The following C1orf87 variants were observed in gnomAD, a reference collection of about 807,000 sequenced individuals.
C1orf87 encodes chromosome 1 open reading frame 87, also known as uncharacterized protein C1orf87.
A neutral mutation model predicts 60.5 loss-of-function variants in C1orf87; 58 were observed. That is an observed-to-expected ratio of 0.96 (90% confidence interval 0.78 to 1.19). The LOEUF is 1.19. C1orf87 is among the 50% of genes most tolerant of loss of function. The probability of loss-of-function intolerance (pLI) is 0.00; values close to 1 mark genes in which losing one functional copy is unlikely to be tolerated. For synonymous variants in C1orf87, 236 were observed against 227.4 expected (o/e 1.04, Z -0.34); for missense variants, 673 against 638.6 (o/e 1.05, Z -0.58).
chr1:60,058,599 T>C (rs1037398481), intron 2 of C1orf87, among the ~76,000 whole-genome samples: 1 of 152,190 alleles, frequency 6.6e-6, no homozygotes, highest in Non-Finnish European at 1.5e-5. Flanking sequence ...GATTATATAT[T>C]TCTTAAATCA....
chr1:60,001,080 A>G lies in C1orf87; in HGVS notation c.1269T>C (p.His423=). 7 of 1,608,182 alleles carry G rather than the reference A, an allele frequency of 4.4e-6. No homozygotes were observed. The change falls in exon 10 of 12, where the codon CAT becomes CAC. Residue 423 remains histidine (H), a synonymous_variant. Transcript: ENST00000371201. ...VPEMSQSKTE[H]MKTPEEELQP... ...TCTATATACCCCAGGTGCATACCAT[A>G]TGTTCAGTTTTGCTTTGAGACATCT... is the stretch of plus-strand genomic sequence containing the variant.
intron 2 of C1orf87, among the ~76,000 whole-genome samples, chr1:60,058,097 C>T (rs1377249284): frequency 6.6e-6 from 1 of 152,110 alleles, no homozygotes; most frequent in African/African-American, 2.4e-5. Flanking sequence ...ATATATGTTC[C>T]CTGCCTTCAA....
chr1:60,015,274 G>A (rs1432873378), intron 8 of C1orf87, among the ~76,000 whole-genome samples: 2 of 152,022 alleles, frequency 1.3e-5, no homozygotes, highest in African/African-American at 4.8e-5. Flanking sequence ...CACCATAGGA[G>A]GTCACAGTGA....
intron 8 of C1orf87, among the ~76,000 whole-genome samples, chr1:60,022,601 A>G (rs1645171327): frequency 6.6e-6 from 1 of 152,044 alleles, no homozygotes; most frequent in South Asian, 2.1e-4. Context: ...CTTCTTCACA[A>G]TTGTACAAAT....
At chr1:60,024,926 T>C (rs923115790) in intron 8 of C1orf87, among the ~76,000 whole-genome samples, 5 of 152,178 alleles carry the variant, frequency 3.3e-5, no homozygotes, top group African/African-American at 1.2e-4. Flanking sequence ...AAGAAGACCC[T>C]TTGGTCGCAA....
rs1355866462 is a variant in C1orf87, at chr1:60,055,431, TCTC to T, written c.112_114del (p.Glu38del). ...TGGGTTTCTGTTTTCAAGCTGTCAT[TCTC>T]CTTGCTGTGAAGAAAGAATTGTATA... is the stretch of plus-strand genomic sequence containing the variant. On this transcript the variant is annotated inframe_deletion, in exon 3 of 12. Coordinates refer to ENST00000371201, the MANE Select transcript of C1orf87 (RefSeq NM_152377.3). 4.3e-6 allele frequency: 7 copies of T among 1,613,822 alleles called. No individual in the cohort carries two copies. In the South Asian group the frequency reaches 7.7e-5, roughly 18 times the overall value.
intron 8 of C1orf87, among the ~76,000 whole-genome samples, chr1:60,014,498 T>G (rs1414733233): frequency 6.6e-6 from 1 of 152,082 alleles, no homozygotes; most frequent in Non-Finnish European, 1.5e-5. Flanking sequence ...AGTTGGGGGT[T>G]GTTAGGCAGA....
At chr1:60,048,272 C>T (rs1175944829) in intron 3 of C1orf87, among the ~76,000 whole-genome samples, 3 of 152,184 alleles carry the variant, frequency 2.0e-5, no homozygotes, top group Non-Finnish European at 4.4e-5. Context: ...CCTGTGGACA[C>T]AGCCAGGAGG....
At chr1:60,009,700 G>C (rs1557459472) in intron 9 of C1orf87, among the ~76,000 whole-genome samples, 1 of 152,034 alleles carries the variant, frequency 6.6e-6, no homozygotes, top group Middle Eastern at 3.4e-3. Context: ...TCAGTAAATG[G>C]TTGATGGATA....
At chr1:59,991,803 A>G (rs1383063686) in intron 11 of C1orf87, among the ~76,000 whole-genome samples, 1 of 152,172 alleles carries the variant, frequency 6.6e-6, no homozygotes, top group Non-Finnish European at 1.5e-5. Context: ...GATTGGATAG[A>G]TTTTGATGGC....
intron 11 of C1orf87, among the ~76,000 whole-genome samples, chr1:59,991,284 T>C (rs1385720254): frequency 1.3e-5 from 2 of 152,220 alleles, no homozygotes; most frequent in Admixed American, 6.5e-5. Context: ...AATGTATTTA[T>C]AGATGTTCTT....
At chr1:60,030,345 C>A (rs1049572024) in intron 7 of C1orf87, among the ~76,000 whole-genome samples, 2 of 152,134 alleles carry the variant, frequency 1.3e-5, no homozygotes, top group African/African-American at 4.8e-5. Flanking sequence ...ATAGAAAACA[C>A]TAAATATGAA....
intron 2 of C1orf87, among the ~76,000 whole-genome samples, chr1:60,061,744 G>T (rs1182160625): frequency 8.1e-6 from 1 of 123,534 alleles, no homozygotes; most frequent in African/African-American, 3.2e-5. Context: ...CTCCAGACCA[G>T]CCTGGACAAC....
chr1:60,001,377 C>T (rs1341242625), intron 9 of C1orf87, among the ~76,000 whole-genome samples: 1 of 151,870 alleles, frequency 6.6e-6, no homozygotes, highest in African/African-American at 2.4e-5. Flanking sequence ...AACAATGACT[C>T]TAAATTTTTA....
Position 60,025,414 on chromosome 1 carries a change from G to T in C1orf87, c.1114C>A (p.Gln372Lys), listed in dbSNP as rs763712084. Residue 372 changes from glutamine to lysine, a missense_variant, in exon 8 of 12, where the codon CAA becomes AAA. Coordinates refer to ENST00000371201, the MANE Select transcript of C1orf87 (RefSeq NM_152377.3). ...GAGTTGACTTACTTTATTTCATTTT[G>T]GTAACCCAAATCTTGATGGTTAAGC... is the stretch of plus-strand genomic sequence containing the variant. ...TLLNHQDLGY[Q>K]NEIKWQNFVE... The T allele has an allele frequency of 3.1e-6, 5 of 1,611,936 alleles. No homozygotes were observed. The African/African-American group carries it at 5.4e-5, about 17-fold the overall frequency.
At chr1:60,070,239 A>G (rs1410847936) in intron 2 of C1orf87, among the ~76,000 whole-genome samples, 1 of 152,186 alleles carries the variant, frequency 6.6e-6, no homozygotes, top group Non-Finnish European at 1.5e-5. Context: ...TCCCATCATC[A>G]ACACATGTCT....
intron 2 of C1orf87, 28 bp from the exon 3 acceptor site, chr1:60,055,466 T>TA (rs778287160): frequency 8.1e-5 from 129 of 1,596,642 alleles, no homozygotes; most frequent in Non-Finnish European, 1.1e-4. Context: ...TATACTTTGT[T>TA]ACTTACAGGC....
chr1:60,032,862 G>GCTT (rs2100286244), intron 7 of C1orf87, among the ~76,000 whole-genome samples: 1 of 152,308 alleles, frequency 6.6e-6, no homozygotes, highest in East Asian at 1.9e-4. Context: ...TTAGCACGGT[G>GCTT]CTTGGCACTT....
At chr1:60,002,084 T>A (rs1310852094) in intron 9 of C1orf87, among the ~76,000 whole-genome samples, 1 of 152,144 alleles carries the variant, frequency 6.6e-6, no homozygotes, top group African/African-American at 2.4e-5. Flanking sequence ...CTCAGCTTTA[T>A]TAATCAGTGC....
Sources: allele counts gnomAD v4.1 joint callset (sites outside exome capture counted in the v4.1 genomes callset), GRCh38; gene constraint gnomAD v4.1.1; transcripts MANE v1.5; gene names NCBI Gene and HGNC (gene_info 2026-07-23, HGNC 2026-07-21).